The following AKAP12 variants were observed in gnomAD, a reference collection of about 807,000 sequenced individuals.
AKAP12 encodes the protein A-kinase anchoring protein 12.
Under a neutral mutation model 79.9 loss-of-function variants are expected in AKAP12, and 32 were observed. The observed-to-expected ratio is 0.40, with a 90% CI of 0.30 to 0.54. The LOEUF (loss-of-function observed/expected upper bound fraction) is 0.54. Ranked by LOEUF, AKAP12 falls within the 20% of genes least tolerant of loss-of-function variation. AKAP12 has a pLI of 0.48. For missense variants in AKAP12, 2,074 were observed against 2,177.0 expected, an observed-to-expected ratio of 0.95 and a Z score of 0.94; for synonymous variants, 808 against 857.0, an observed-to-expected ratio of 0.94 and a Z score of 1.00.
chr6:151,311,879 A>G (rs1400845159), intron 3 of AKAP12, among the ~76,000 whole-genome samples: 1 of 152,162 alleles, frequency 6.6e-6, no homozygotes, highest in Non-Finnish European at 1.5e-5. Flanking sequence ...TGCTTTGAAC[A>G]TTTAATAACT....
chr6:151,275,917 C>G (rs531671824), intron 2 of AKAP12, among the ~76,000 whole-genome samples: 1 of 152,300 alleles, frequency 6.6e-6, no homozygotes, highest in East Asian at 1.9e-4. Flanking sequence ...GAAAGTTGTT[C>G]TTATCATCTG....
At chr6:151,301,978 A>G (rs1424871236) in intron 2 of AKAP12, among the ~76,000 whole-genome samples, 1 of 151,278 alleles carries the variant, frequency 6.6e-6, no homozygotes, top group African/African-American at 2.4e-5. Flanking sequence ...TTTATCATCT[A>G]ATGTACTTTG....
chr6:151,353,664 C>T lies in AKAP12; in HGVS notation c.5273C>T (p.Ala1758Val), dbSNP rs1199158538. ...AAAGTGCACAGTGAATCAGATAAAG[C>T]GATCACACCCCAAGCACAGGAGGAG... Reference protein sequence around the residue: ...EGKVHSESDKAITPQAQEELQ... With the variant: ...EGKVHSESDKVITPQAQEELQ... The change falls in exon 4 of 5, where the codon GCG (alanine) becomes GTG (valine). Residue 1758 changes from alanine to valine, a missense_variant. This residue lies in a region of AKAP12 where 614 missense variants were observed against 665.6 expected (regional missense o/e 0.92). Transcript: ENST00000402676. 6 of 1,613,854 alleles carry T rather than the reference C, an allele frequency of 3.7e-6. No homozygotes were observed. The highest frequency in any genetic ancestry group is 2.2e-5 in the East Asian group (1 of 44,878).
intron 2 of AKAP12, among the ~76,000 whole-genome samples, chr6:151,305,388 T>C (rs1298590063): frequency 6.6e-6 from 1 of 152,234 alleles, no homozygotes; most frequent in Non-Finnish European, 1.5e-5. Flanking sequence ...AAAGAGGTTT[T>C]TAAGTCTGCC....
intron 3 of AKAP12, among the ~76,000 whole-genome samples, chr6:151,315,808 CTT>C (rs1366940961): frequency 3.3e-5 from 5 of 152,064 alleles, no homozygotes; most frequent in African/African-American, 1.2e-4. Context: ...CCTCAGGAAA[CTT>C]AACAATAATG....
At chr6:151,344,211 A>G (rs189983410) in intron 3 of AKAP12, among the ~76,000 whole-genome samples, 1 of 152,282 alleles carries the variant, frequency 6.6e-6, no homozygotes, top group Admixed American at 6.5e-5. Flanking sequence ...CTCAGAGGTA[A>G]AACTAAAATG....
At chr6:151,264,734 T>G (rs1321810417) in intron 2 of AKAP12, among the ~76,000 whole-genome samples, 1 of 151,972 alleles carries the variant, frequency 6.6e-6, no homozygotes, top group Non-Finnish European at 1.5e-5. Flanking sequence ...AGAGGTACAT[T>G]TTTAGGTAAT....
intron 3 of AKAP12, chr6:151,324,510 C>G (rs539352294): frequency 2.0e-6 from 2 of 985,322 alleles, no homozygotes; most frequent in Non-Finnish European, 1.2e-6. Context: ...GCCCACCCTT[C>G]TCTTTGCTGT....
At chr6:151,258,085 A>G (rs868058582) in intron 2 of AKAP12, among the ~76,000 whole-genome samples, 2 of 152,218 alleles carry the variant, frequency 1.3e-5, no homozygotes, top group African/African-American at 4.8e-5. Flanking sequence ...TCCCTTAACC[A>G]TATTTTCTGG....
chr6:151,304,212 G>A (rs546305623), intron 2 of AKAP12, among the ~76,000 whole-genome samples: 3 of 151,986 alleles, frequency 2.0e-5, no homozygotes, highest in Non-Finnish European at 2.9e-5. Context: ...AGAGCAAGCC[G>A]GGCACAGTGG....
chr6:151,262,941 C>T (rs1682717801), intron 2 of AKAP12, among the ~76,000 whole-genome samples: 2 of 152,138 alleles, frequency 1.3e-5, no homozygotes, highest in Admixed American at 6.6e-5. Context: ...TCTCAATTCC[C>T]TTATACTCCA....
chr6:151,328,880 A>G (rs1467898345), intron 3 of AKAP12, among the ~76,000 whole-genome samples: 6 of 152,036 alleles, frequency 3.9e-5, no homozygotes, highest in Non-Finnish European at 5.9e-5. Context: ...ACTTAATACT[A>G]TTATCCCCCT....
At chr6:151,278,714 C>G (rs1776335172) in intron 2 of AKAP12, among the ~76,000 whole-genome samples, 1 of 150,326 alleles carries the variant, frequency 6.7e-6, no homozygotes, top group African/African-American at 2.5e-5. Flanking sequence ...GTCACCCAGG[C>G]TGGAGTGCAG....
rs1778215438 is a variant in AKAP12, at chr6:151,349,507, T to A, written c.1116T>A (p.Ala372=). The A allele has an allele frequency of 6.2e-7, 1 of 1,609,204 alleles. No homozygotes were observed. The highest frequency in any genetic ancestry group is 1.3e-5 in the African/African-American group (1 of 74,114). ...AESAHEPRLS[A]EYEKVELPSE... ...GTGCCCACGAGCCCCGGTTATCAGCTGAATATGAGAAAGTTGAGCTGCCCT... is the reference window on the plus strand; with the variant it reads ...GTGCCCACGAGCCCCGGTTATCAGCAGAATATGAGAAAGTTGAGCTGCCCT... Residue 372 remains alanine, a synonymous_variant, in exon 4 of 5, where the codon GCT becomes GCA. Transcript: ENST00000402676.
intron 2 of AKAP12, among the ~76,000 whole-genome samples, chr6:151,241,140 C>G (rs1434236955): frequency 1.3e-5 from 2 of 152,216 alleles, no homozygotes; most frequent in Non-Finnish European, 2.9e-5. Context: ...GGAAAGTCAG[C>G]TGTGAGGCCA....
At chr6:151,304,465 G>A (rs1776929952) in intron 2 of AKAP12, among the ~76,000 whole-genome samples, 1 of 98,758 alleles carries the variant, frequency 1.0e-5, no homozygotes, top group African/African-American at 3.6e-5. Context: ...CTTCAGCCTG[G>A]GTGAAACAGT....
At chr6:151,348,158 AAAC>A (rs1778157665) in intron 3 of AKAP12, among the ~76,000 whole-genome samples, 3 of 150,248 alleles carry the variant, frequency 2.0e-5, no homozygotes, top group Admixed American at 1.3e-4. Flanking sequence ...ATCTCAAAAA[AAAC>A]AAACAAAAAA....
At chr6:151,345,895 A>ATGTGTGTGTG (rs367643775) in intron 3 of AKAP12, among the ~76,000 whole-genome samples, 48 of 128,874 alleles carry the variant, frequency 3.7e-4, no homozygotes, top group African/African-American at 1.3e-3. Flanking sequence ...GTGTGTGTAT[A>ATGTGTGTGTG]TGTGTGTGTG....
In AKAP12 at chr6:151,323,662, G is replaced by A. The variant is rs1333024960; in HGVS notation, c.319+17759G>A. ...CAGTACAGTGACCTTTGAAAATGTTGTTTAGGGTATTAAATGTGTAACTAG... is the reference window on the plus strand; with the variant it reads ...CAGTACAGTGACCTTTGAAAATGTTATTTAGGGTATTAAATGTGTAACTAG... On this transcript the variant is annotated intron_variant, in intron 3 of 4. Coordinates refer to ENST00000402676, the MANE Select transcript of AKAP12 (RefSeq NM_005100.4). 9 of 974,790 alleles carry A rather than the reference G, an allele frequency of 9.2e-6. No individual in the cohort carries two copies. In the Admixed American group the frequency reaches 5.5e-4, roughly 60 times the overall value. The allele number at this position is 974,790 out of a possible 1,614,324, so 60.4% of individuals were successfully genotyped here. A position where few individuals can be genotyped will look rare whatever the true frequency, so the allele number is the denominator to read the frequency against.
Sources: allele counts gnomAD v4.1 joint callset (sites outside exome capture counted in the v4.1 genomes callset), GRCh38; gene constraint gnomAD v4.1.1; regional missense constraint gnomAD v4.1.1; transcripts MANE v1.5; gene names NCBI Gene and HGNC (gene_info 2026-07-23, HGNC 2026-07-21).